SMPDL3B: variants seen among roughly 807,000 people sequenced by gnomAD.
SMPDL3B encodes sphingomyelin phosphodiesterase acid like 3B.
Under a neutral mutation model 37.9 loss-of-function variants are expected in SMPDL3B, and 31 were observed. The observed-to-expected ratio is 0.82, with a 90% CI of 0.61 to 1.10. The LOEUF is 1.10. Among genes scored for constraint, SMPDL3B ranks in the 50% least tolerant of loss-of-function variants. SMPDL3B has a pLI of 0.00. For missense variants in SMPDL3B, 525 were observed against 597.8 expected (o/e 0.88, Z 1.27); for synonymous variants, 235 against 242.6 (o/e 0.97, Z 0.29).
In SMPDL3B at chr1:27,959,097, A is replaced by C; in HGVS notation, c.*259A>C. 2.0e-6 allele frequency: 1 copy of C among 490,708 alleles called. No individual in the cohort carries two copies. Among genetic ancestry groups the C allele is most frequent in the Non-Finnish European group, 3.7e-6 (1 of 271,862 alleles). 30.4% of individuals were successfully genotyped at this position (490,708 alleles called of 1,614,324 possible). A position where few individuals can be genotyped will look rare whatever the true frequency, so the allele number is the denominator to read the frequency against. On this transcript the variant is annotated 3_prime_UTR_variant, in exon 8 of 8. Coordinates refer to ENST00000373894, the MANE Select transcript of SMPDL3B (RefSeq NM_014474.4). ...GACGACCCAAGACCCCCCTACAAGC[A>C]TACTTCTTTTGCGTATTATGTTTAA...
chr1:27,935,966 A>T (rs1329833052), intron 1 of SMPDL3B, among the ~76,000 whole-genome samples: 1 of 152,008 alleles, frequency 6.6e-6, no homozygotes, highest in Non-Finnish European at 1.5e-5. Context: ...AGTGGGGGTG[A>T]GGTTGGCAGA....
intron 5 of SMPDL3B, among the ~76,000 whole-genome samples, chr1:27,955,051 C>T (rs925317936): frequency 6.6e-6 from 1 of 152,174 alleles, no homozygotes; most frequent in African/African-American, 2.4e-5. Context: ...GGACATTATG[C>T]GGATGATCTC....
chr1:27,935,075 A>C lies in SMPDL3B; in HGVS notation c.-109A>C. On this transcript the variant is annotated 5_prime_UTR_variant, in exon 1 of 8. Coordinates refer to ENST00000373894, the MANE Select transcript of SMPDL3B (RefSeq NM_014474.4). ...GGACTTGGAACACCTGTAACAGGAC[A>C]AGGAGTTCTGCTCAGGCACGTGGCC... 1 of 777,252 alleles carries C rather than the reference A, an allele frequency of 1.3e-6. No individual in the cohort carries two copies. The highest frequency in any genetic ancestry group is 2.2e-6 in the Non-Finnish European group (1 of 456,016). The allele number at this position is 777,252 out of a possible 1,614,324, so 48.1% of individuals were successfully genotyped here.
intron 7 of SMPDL3B, among the ~76,000 whole-genome samples, chr1:27,957,509 C>T (rs1348170385): frequency 6.6e-6 from 1 of 152,044 alleles, no homozygotes; most frequent in Admixed American, 6.6e-5. Flanking sequence ...TGAAAGTGGA[C>T]AGGGAAGGGG....
At chr1:27,954,225 T>C in intron 4 of SMPDL3B, 129 bp from the exon 5 acceptor site, 1 of 904,942 alleles carries the variant, frequency 1.1e-6, no homozygotes. Context: ...CAGATTGATG[T>C]CCCACCCATG....
intron 1 of SMPDL3B, chr1:27,942,291 A>G (rs1206547778): frequency 2.2e-6 from 1 of 462,768 alleles, no homozygotes; most frequent in African/African-American, 2.1e-5. Context: ...CGCAAGGACC[A>G]TGTGCCCAAG....
Position 27,958,761 on chromosome 1 carries a change from G to A in SMPDL3B, c.1291G>A (p.Ala431Thr). ...DIDAYTTCLY[A>T]SGTTPVPQLP... ...TGACGCTTACACCACCTGTCTGTAT[G>A]CCTCTGGCACCACGCCCGTGCCCCA... The change falls in exon 8 of 8, where the codon GCC becomes ACC. Residue 431 changes from alanine to threonine, a missense_variant. Coordinates refer to ENST00000373894, the MANE Select transcript of SMPDL3B (RefSeq NM_014474.4). The surrounding 1 kb of genome is among the most constrained non-coding windows in gnomAD (Gnocchi z 5.6). The A allele has an allele frequency of 6.2e-7, 1 of 1,613,040 alleles. No individual in the cohort carries two copies. The highest frequency in any genetic ancestry group is 8.5e-7 in the Non-Finnish European group (1 of 1,179,610).
In SMPDL3B at chr1:27,958,577, C is replaced by T. The variant is rs1176355077; in HGVS notation, c.1107C>T (p.Asp369=). 1.1e-5 allele frequency: 17 copies of T among 1,613,914 alleles called. No homozygotes were observed. Among genetic ancestry groups the T allele is most frequent in the Admixed American group, 1.7e-5 (1 of 60,028 alleles). The change falls in exon 8 of 8, where the codon GAC becomes GAT. Residue 369 remains aspartate, a synonymous_variant. Coordinates refer to ENST00000373894, the MANE Select transcript of SMPDL3B (RefSeq NM_014474.4). The surrounding 1 kb of genome is among the most constrained non-coding windows in gnomAD (Gnocchi z 5.6). ...TGACCGAGGCCTATGGGGTGCCGGA[C>T]GCCAGCGCCCACTCCATGCACACAG... ...YQLTEAYGVP[D]ASAHSMHTVL...
chr1:27,949,419 C>T (rs539066560), intron 3 of SMPDL3B, among the ~76,000 whole-genome samples: 46 of 152,328 alleles, frequency 3.0e-4, no homozygotes, highest in African/African-American at 1.0e-3. Flanking sequence ...TCTGCTCCTG[C>T]CTATCTCCAG....
At chr1:27,943,962 C>T (rs2090381977) in intron 1 of SMPDL3B, among the ~76,000 whole-genome samples, 1 of 148,470 alleles carries the variant, frequency 6.7e-6, no homozygotes, top group Non-Finnish European at 1.5e-5. Context: ...TGCAGTGAGC[C>T]GAGATTGCAC....
At position 27,954,386 on chromosome 1, in the gene SMPDL3B, A is replaced by G. The variant is rs2090480380; in HGVS notation, c.550A>G (p.Ser184Gly). 6.2e-7 allele frequency: 1 copy of G among 1,614,088 alleles called. No homozygotes were observed. The highest frequency in any genetic ancestry group is 1.3e-5 in the African/African-American group (1 of 75,054). The part of the protein sequence containing the change: ...AFYCEKLPGP[S>G]GAGRIVVLNT... ...CTACTGTGAGAAGCTGCCGGGTCCC[A>G]GCGGGGCTGGGCGAATTGTGGTCCT... Residue 184 changes from serine (S) to glycine (G), a missense_variant, in exon 5 of 8, where the codon AGC becomes GGC. Coordinates refer to ENST00000373894, the MANE Select transcript of SMPDL3B (RefSeq NM_014474.4).
chr1:27,958,474 A>G lies in SMPDL3B; in HGVS notation c.1006-2A>G, dbSNP rs1638362490. On this transcript the variant is annotated splice_acceptor_variant, in intron 7 of 7. Transcript: ENST00000373894. LOFTEE classifies it high-confidence loss of function. This position sits in a 1 kb window ranked among gnomAD's most constrained non-coding sequence, Gnocchi z 5.6. ...CCGGTCTACCCCAAACCCTTTTTCCAGGACATGGTGACCTACTTCATGAAC... is the reference window on the plus strand; with the variant it reads ...CCGGTCTACCCCAAACCCTTTTTCCGGGACATGGTGACCTACTTCATGAAC... 6.3e-7 allele frequency: 1 copy of G among 1,595,158 alleles called. No individual in the cohort carries two copies. Among genetic ancestry groups the G allele is most frequent in the African/African-American group, 1.3e-5 (1 of 74,678 alleles).
At chr1:27,956,279 C>A in intron 7 of SMPDL3B, 197 bp downstream of exon 7, 2 of 1,519,060 alleles carry the variant, frequency 1.3e-6, no homozygotes, top group South Asian at 2.6e-5. Context: ...CTCACCAAGT[C>A]ACCTTTTCCC....
intron 3 of SMPDL3B, 142 bp from the exon 4 acceptor site, chr1:27,953,073 G>A: frequency 1.6e-6 from 1 of 632,948 alleles, no homozygotes; most frequent in East Asian, 2.8e-5. Context: ...TCTATCAAAT[G>A]TGGGTTTCCT....
At chr1:27,939,810 TTGTTTTTG>T (rs2090342077) in intron 1 of SMPDL3B, among the ~76,000 whole-genome samples, 1 of 118,878 alleles carries the variant, frequency 8.4e-6, no homozygotes, top group African/African-American at 3.0e-5. Context: ...TTTTGTTTGT[TTGTTTTTG>T]TTTGTTTGTT....
chr1:27,936,074 G>A (rs1199274284), intron 1 of SMPDL3B, among the ~76,000 whole-genome samples: 2 of 152,142 alleles, frequency 1.3e-5, no homozygotes, highest in Non-Finnish European at 2.9e-5. Flanking sequence ...TAGGAAGGAC[G>A]CAGGCTTTTG....
chr1:27,940,112 C>T (rs1042354102), intron 1 of SMPDL3B, among the ~76,000 whole-genome samples: 3 of 152,126 alleles, frequency 2.0e-5, no homozygotes, highest in Non-Finnish European at 4.4e-5. Flanking sequence ...GTCTGTTGTC[C>T]CTAGTGAGCA....
chr1:27,942,749 C>T (rs911951482), intron 1 of SMPDL3B, among the ~76,000 whole-genome samples: 8 of 152,084 alleles, frequency 5.3e-5, no homozygotes, highest in South Asian at 4.1e-4. Context: ...CTGCAACCTC[C>T]GCCTCCTGGG....
chr1:27,942,530 G>A (rs1431891144), intron 1 of SMPDL3B, among the ~76,000 whole-genome samples: 3 of 152,248 alleles, frequency 2.0e-5, no homozygotes. Flanking sequence ...ACAGGCAGGA[G>A]TGCAGTGGTG....
Sources: gnomAD v4.1 joint callset for allele counts (sites outside exome capture counted in the v4.1 genomes callset) on GRCh38, gnomAD v4.1.1 for gene constraint, Gnocchi (gnomAD v3.1) non-coding constraint, MANE v1.5 for transcripts, NCBI Gene and HGNC (gene_info 2026-07-23, HGNC 2026-07-21) for gene names.